Variants in SCHIP1 observed in about 807,000 individuals in gnomAD.
SCHIP1 encodes the protein schwannomin-interacting protein 1.
SCHIP1 carries 8 observed loss-of-function variants against 29.7 expected under a neutral mutation model. The observed-to-expected ratio is 0.27, with a 90% CI of 0.16 to 0.49. The LOEUF (loss-of-function observed/expected upper bound fraction) is 0.49. SCHIP1 is among the 20% of genes least tolerant of loss of function. The probability of loss-of-function intolerance (pLI) is 0.99; values close to 1 mark genes in which losing one functional copy is unlikely to be tolerated. For missense variants in SCHIP1, 193 were observed against 294.6 expected (o/e 0.66, Z 2.52); for synonymous variants, 76 against 94.9 (o/e 0.80, Z 1.16).
At chr3:159,652,186 G>C in the SCHIP1 span, among the ~76,000 whole-genome samples, 1 of 151,960 alleles carries the variant, frequency 6.6e-6, no homozygotes, top group South Asian at 2.1e-4. Context: ...CATTATTCAG[G>C]CTACCAACTT....
intron 6 of SCHIP1, among the ~76,000 whole-genome samples, chr3:159,895,295 A>T (rs1368384808): frequency 6.6e-6 from 1 of 152,058 alleles, no homozygotes; most frequent in Non-Finnish European, 1.5e-5. Flanking sequence ...CACTGTTGTC[A>T]CTCCCCTGTT....
chr3:159,337,060 A>G, the SCHIP1 span, among the ~76,000 whole-genome samples: 10 of 152,218 alleles, frequency 6.6e-5, no homozygotes, highest in African/African-American at 2.4e-4. Context: ...AAATCAATAA[A>G]CGTAATCCAG....
At chr3:159,473,497 G>A in the SCHIP1 span, among the ~76,000 whole-genome samples, 8 of 151,784 alleles carry the variant, frequency 5.3e-5, no homozygotes, top group Non-Finnish European at 7.4e-5. Context: ...TTGATCATGA[G>A]GATTATATTT....
chr3:159,740,551 G>T, the SCHIP1 span, among the ~76,000 whole-genome samples: 1 of 151,798 alleles, frequency 6.6e-6, no homozygotes, highest in Non-Finnish European at 1.5e-5. Context: ...TCAGCCCCCT[G>T]CCCCCAAAAA....
the SCHIP1 span, among the ~76,000 whole-genome samples, chr3:159,326,101 A>T: frequency 6.6e-6 from 1 of 152,142 alleles, no homozygotes; most frequent in East Asian, 1.9e-4. Context: ...TGTCACTGAG[A>T]CACGGAGAGG....
the SCHIP1 span, among the ~76,000 whole-genome samples, chr3:159,359,488 A>G: frequency 6.6e-6 from 1 of 152,194 alleles, no homozygotes; most frequent in Non-Finnish European, 1.5e-5. Flanking sequence ...TTAATTAATT[A>G]ATGTGAGAAT....
chr3:159,541,062 C>A, the SCHIP1 span, among the ~76,000 whole-genome samples: 1 of 151,996 alleles, frequency 6.6e-6, no homozygotes, highest in Admixed American at 6.6e-5. Flanking sequence ...TACGGATGAA[C>A]CAGCATACCC....
the SCHIP1 span, among the ~76,000 whole-genome samples, chr3:159,747,521 A>C: frequency 6.6e-6 from 1 of 152,180 alleles, no homozygotes; most frequent in African/African-American, 2.4e-5. Flanking sequence ...TTAGGATGAG[A>C]CAAATATAGG....
At chr3:159,797,253 T>C in the SCHIP1 span, among the ~76,000 whole-genome samples, 1 of 152,222 alleles carries the variant, frequency 6.6e-6, no homozygotes, top group Non-Finnish European at 1.5e-5. Flanking sequence ...CTTGATTTTA[T>C]TGAATGCCCT....
the SCHIP1 span, among the ~76,000 whole-genome samples, chr3:159,803,164 C>G: frequency 6.7e-6 from 1 of 148,634 alleles, no homozygotes; most frequent in Non-Finnish European, 1.5e-5. Context: ...ATATGCCCAG[C>G]TAAAAGGTGT....
the SCHIP1 span, among the ~76,000 whole-genome samples, chr3:159,704,795 G>A: frequency 2.0e-5 from 3 of 151,972 alleles, no homozygotes; most frequent in Admixed American, 1.3e-4. Context: ...CAACACAATT[G>A]TAATAATACA....
intron 1 of SCHIP1, among the ~76,000 whole-genome samples, chr3:159,853,648 A>G (rs1044443120): frequency 6.6e-6 from 1 of 152,246 alleles, no homozygotes; most frequent in African/African-American, 2.4e-5. Context: ...GCTTATGTTC[A>G]TTAATATGTT....
the SCHIP1 span, among the ~76,000 whole-genome samples, chr3:159,394,215 C>T: frequency 3.3e-5 from 5 of 150,468 alleles, no homozygotes; most frequent in African/African-American, 1.2e-4. Flanking sequence ...AGATTTTGGG[C>T]TGAGACAATG....
the SCHIP1 span, among the ~76,000 whole-genome samples, chr3:159,511,989 TA>T: frequency 6.6e-6 from 1 of 152,180 alleles, no homozygotes; most frequent in Non-Finnish European, 1.5e-5. Flanking sequence ...AAAAAAATGA[TA>T]AATTTGACCG....
chr3:159,596,818 G>C, the SCHIP1 span, among the ~76,000 whole-genome samples: 3 of 151,884 alleles, frequency 2.0e-5, no homozygotes, highest in Admixed American at 6.6e-5. Flanking sequence ...GGAGGGGGGA[G>C]GGATAGCATT....
At chr3:159,786,502 C>A in the SCHIP1 span, among the ~76,000 whole-genome samples, 1 of 152,124 alleles carries the variant, frequency 6.6e-6, no homozygotes, top group Non-Finnish European at 1.5e-5. Flanking sequence ...TATGTCTGTT[C>A]AAAAACATTA....
At chr3:159,624,375 A>G in the SCHIP1 span, among the ~76,000 whole-genome samples, 2 of 152,316 alleles carry the variant, frequency 1.3e-5, no homozygotes, top group Middle Eastern at 3.4e-3. Flanking sequence ...TTTACATTAA[A>G]GTCTATCAGG....
chr3:159,723,201 T>C, the SCHIP1 span, among the ~76,000 whole-genome samples: 1 of 152,230 alleles, frequency 6.6e-6, no homozygotes, highest in African/African-American at 2.4e-5. Context: ...GTTTTTCTTA[T>C]CAAAATACTT....
At chr3:159,810,162 C>G in the SCHIP1 span, among the ~76,000 whole-genome samples, 2 of 152,160 alleles carry the variant, frequency 1.3e-5, no homozygotes, top group Non-Finnish European at 2.9e-5. Flanking sequence ...TCTCCTGCCT[C>G]GGCCTCCCGA....
Sources: gnomAD v4.1 joint callset for allele counts (sites outside exome capture counted in the v4.1 genomes callset) on GRCh38, gnomAD v4.1.1 for gene constraint, MANE v1.5 for transcripts, NCBI Gene and HGNC (gene_info 2026-07-23, HGNC 2026-07-21) for gene names.